VPS16: variants seen among roughly 807,000 people sequenced by gnomAD.
VPS16 encodes the protein vacuolar protein sorting-associated protein 16 homolog.
In VPS16, 82 loss-of-function variants were observed where a neutral mutation model predicts 116.0. The ratio of observed to expected loss-of-function variants is 0.71; its 90% CI spans 0.59 to 0.85. VPS16 has a LOEUF of 0.85. Among genes scored for constraint, VPS16 ranks in the 40% least tolerant of loss-of-function variants. The pLI is 0.00. For missense variants in VPS16, 928 were observed against 1,090.6 expected (o/e 0.85, Z 2.10); for synonymous variants, 406 against 420.7 (o/e 0.96, Z 0.43).
In VPS16 at chr20:2,860,718, T is replaced by A; in HGVS notation, c.515-30T>A. 1 of 1,613,244 alleles carries A rather than the reference T, an allele frequency of 6.2e-7. No individual in the cohort carries two copies. Among genetic ancestry groups the A allele is most frequent in the East Asian group, 2.2e-5 (1 of 44,856 alleles). ...AAACAGAAACGGTGGGCCTTGGTCA[T>A]CCTAACACTGTCCTTTTCCCTGGCC... On this transcript the variant is annotated intron_variant, in intron 5 of 23. Coordinates refer to ENST00000380445, the MANE Select transcript of VPS16 (RefSeq NM_022575.4). The surrounding 1 kb of genome is among the most constrained non-coding windows in gnomAD (Gnocchi z 6.1).
At chr20:2,854,943 G>T (rs560487836) in intron 1 of VPS16, among the ~76,000 whole-genome samples, 5 of 148,448 alleles carry the variant, frequency 3.4e-5, no homozygotes, top group Admixed American at 2.7e-4. Flanking sequence ...GACCAGATAC[G>T]TTGTCAATGA....
chr20:2,849,820 A>G (rs1318326553), intron 1 of VPS16, among the ~76,000 whole-genome samples: 5 of 152,194 alleles, frequency 3.3e-5, no homozygotes, highest in African/African-American at 9.7e-5. Context: ...TTCAGTTACC[A>G]TTTCACCACA....
chr20:2,847,046 T>G (rs2089067305), intron 1 of VPS16, among the ~76,000 whole-genome samples: 1 of 152,210 alleles, frequency 6.6e-6, no homozygotes, highest in Non-Finnish European at 1.5e-5. Context: ...GAAGCTGCTC[T>G]TCACTCTGCC....
In VPS16 at chr20:2,853,156, C is replaced by G. The variant is rs550661757; in HGVS notation, c.54-6563C>G. On this transcript the variant is annotated intron_variant, in intron 1 of 23. Coordinates refer to ENST00000380445, the MANE Select transcript of VPS16 (RefSeq NM_022575.4). ...TTGTAGTCCCAGCACTTTAGGAGGC[C>G]AAGGTGGGCAGAGCACTTGAGGCCA... 3.9e-5 allele frequency among the ~76,000 whole-genome samples: 6 copies of G among 152,216 alleles called. No individual in the cohort carries two copies. The South Asian group carries it at 1.2e-3, about 32-fold the overall frequency.
At chr20:2,861,140 A>G (rs1305516892) in intron 7 of VPS16, 48 bp downstream of exon 7, 5 of 1,614,170 alleles carry the variant, frequency 3.1e-6, no homozygotes, top group Non-Finnish European at 4.2e-6. Flanking sequence ...TCCAGGGTAC[A>G]AGATCTTTTG....
intron 1 of VPS16, among the ~76,000 whole-genome samples, chr20:2,845,009 T>G (rs537539968): frequency 1.9e-4 from 27 of 140,126 alleles, no homozygotes; most frequent in African/African-American, 3.1e-4. Flanking sequence ...TTGCAAGGGG[T>G]GTGTGTGTGT....
chr20:2,860,370 A>G lies in VPS16; in HGVS notation c.369+3A>G. 1 of 1,614,072 alleles carries G rather than the reference A, an allele frequency of 6.2e-7. No homozygotes were observed. Reference sequence around the variant, plus strand: ...GGAGACACTTCAGCATGGGCAATGTAGGGGTCACAGAGGGCTGGGGACGCG... The same window carrying G: ...GGAGACACTTCAGCATGGGCAATGTGGGGGTCACAGAGGGCTGGGGACGCG... On this transcript the variant is annotated splice_donor_region_variant and intron_variant, in intron 4 of 23. Transcript: ENST00000380445. This position sits in a 1 kb window ranked among gnomAD's most constrained non-coding sequence, Gnocchi z 6.1.
rs547567060 is a variant in VPS16 at position 2,856,940 on chromosome 20, T to A, written c.54-2779T>A. ...TTGTGGTATTTCCTCTTTCAGATGA[T>A]CTTTTTCCCCTATATGAACTTTTTT... On this transcript the variant is annotated intron_variant, in intron 1 of 23. Coordinates refer to ENST00000380445, the MANE Select transcript of VPS16 (RefSeq NM_022575.4). Among the ~76,000 whole-genome samples the A allele has an allele frequency of 8.6e-5, 13 of 151,896 alleles. No individual in the cohort carries two copies. The South Asian group carries it at 2.7e-3, about 32-fold the overall frequency.
chr20:2,848,678 GA>G (rs1219810434), intron 1 of VPS16, among the ~76,000 whole-genome samples: 3 of 152,194 alleles, frequency 2.0e-5, no homozygotes, highest in Non-Finnish European at 2.9e-5. Context: ...CCATGGCTGT[GA>G]GCCCACTGCT....
chr20:2,862,817 T>C lies in VPS16; in HGVS notation c.1214T>C (p.Phe405Ser), dbSNP rs1234281434. The C allele has an allele frequency of 6.2e-7, 1 of 1,614,012 alleles. No homozygotes were observed. The highest frequency in any genetic ancestry group is 8.5e-7 in the Non-Finnish European group (1 of 1,180,008). The change falls in exon 13 of 24, where the codon TTC becomes TCC. Residue 405 changes from phenylalanine (F) to serine (S), a missense_variant. Transcript: ENST00000380445. ...MQKSLLRAAS[F>S]GKCFLDRFPP... ...TCTGGCTCTTCTCAGGCCGCCTCCT[T>C]CGGAAAGTGTTTCCTGGACAGATTT... is the stretch of plus-strand genomic sequence containing the variant.
chr20:2,854,727 T>C (rs950042777), intron 1 of VPS16, among the ~76,000 whole-genome samples: 1 of 145,492 alleles, frequency 6.9e-6, no homozygotes, highest in Non-Finnish European at 1.5e-5. Flanking sequence ...ACCCGGGAGG[T>C]GGAGGTTGCG....
At chr20:2,855,597 CT>C (rs1357971854) in intron 1 of VPS16, among the ~76,000 whole-genome samples, 3 of 152,222 alleles carry the variant, frequency 2.0e-5, no homozygotes, top group African/African-American at 2.4e-5. Flanking sequence ...CAATATAAGA[CT>C]GTTTTGTCTA....
intron 1 of VPS16, among the ~76,000 whole-genome samples, chr20:2,855,238 A>G (rs994627448): frequency 1.3e-5 from 2 of 151,712 alleles, no homozygotes; most frequent in African/African-American, 2.4e-5. Context: ...GATTACAGGC[A>G]TGAACCACCG....
At chr20:2,842,764 A>C (rs6138904) in intron 1 of VPS16, among the ~76,000 whole-genome samples, 2,209 of 101,122 alleles carry the variant, frequency 0.022, 177 homozygotes, top group Admixed American at 0.072. Flanking sequence ...ATCTATCTAT[A>C]GATAGACATA....
chr20:2,856,980 CTTT>C (rs3053469), intron 1 of VPS16, among the ~76,000 whole-genome samples: 1 of 142,088 alleles, frequency 7.0e-6, no homozygotes, highest in Admixed American at 7.0e-5. Context: ...TTTTCTTTTT[CTTT>C]TTTTTTTTTT....
chr20:2,862,757 G>A, intron 12 of VPS16, 47 bp downstream of exon 12: 2 of 1,611,622 alleles, frequency 1.2e-6, no homozygotes, highest in Non-Finnish European at 8.5e-7. Context: ...GGGAGGGGGT[G>A]GGATGGGCAG....
Position 2,861,858 on chromosome 20 carries a change from T to C in VPS16, c.953T>C (p.Ile318Thr). The C allele has an allele frequency of 6.2e-7, 1 of 1,613,932 alleles. No homozygotes were observed. The highest frequency in any genetic ancestry group is 8.5e-7 in the Non-Finnish European group (1 of 1,179,956). The part of the protein sequence containing the change: ...YLVPELDGVR[I>T]FSRSTHEFLH... ...GTGCCTGAGCTCGATGGGGTCCGCA[T>C]CTTCTCCCGCAGCACCCACGAGTTC... Residue 318 changes from isoleucine to threonine, a missense_variant, in exon 10 of 24, where the codon ATC (isoleucine) becomes ACC (threonine). By Grantham distance (89) the Ile-to-Thr change is moderately conservative. Transcript: ENST00000380445.
In VPS16 at chr20:2,863,048, A is replaced by G. The variant is rs1446173684; in HGVS notation, c.1332-17A>G. ...GGGCTTATTCTCCAACTGGATCCTT[A>G]ACCGAGGAAAATACAGATATAAGCA... is the stretch of plus-strand genomic sequence containing the variant. On this transcript the variant is annotated splice_polypyrimidine_tract_variant and intron_variant, in intron 13 of 23. Coordinates refer to ENST00000380445, the MANE Select transcript of VPS16 (RefSeq NM_022575.4). The surrounding 1 kb of genome is among the most constrained non-coding windows in gnomAD (Gnocchi z 4.4). 6.2e-7 allele frequency: 1 copy of G among 1,614,076 alleles called. No homozygotes were observed. The highest frequency in any genetic ancestry group is 8.5e-7 in the Non-Finnish European group (1 of 1,180,022).
rs1441621642 is a variant in VPS16 at position 2,863,479 on chromosome 20, T to C, written c.1476+81T>C. ...GTGGAGGAAATAGAAAGTGTAGAAC[T>C]GCGCTGGGCACGGTGGCTCATGCCT... On this transcript the variant is annotated intron_variant, in intron 15 of 23. Transcript: ENST00000380445. The surrounding 1 kb of genome is among the most constrained non-coding windows in gnomAD (Gnocchi z 4.4). 1.4e-6 allele frequency: 2 copies of C among 1,420,758 alleles called. No homozygotes were observed. Among genetic ancestry groups the C allele is most frequent in the Non-Finnish European group, 2.0e-6 (2 of 1,014,606 alleles). The allele number at this position is 1,420,758 out of a possible 1,614,324, so 88.0% of individuals were successfully genotyped here.
Sources: allele counts gnomAD v4.1 joint callset (sites outside exome capture counted in the v4.1 genomes callset), GRCh38; gene constraint gnomAD v4.1.1; non-coding constraint Gnocchi (gnomAD v3.1); transcripts MANE v1.5; gene names NCBI Gene and HGNC (gene_info 2026-07-23, HGNC 2026-07-21).